Variants in RTN4R observed in about 807,000 individuals in gnomAD.
The protein encoded by RTN4R is reticulon 4 receptor.
RTN4R carries 4 observed loss-of-function variants against 27.7 expected under a neutral mutation model. That is an observed-to-expected ratio of 0.14 (90% CI 0.07 to 0.33). The LOEUF (loss-of-function observed/expected upper bound fraction) is 0.33, where lower values mean the gene tolerates loss of function less well. Ranked by LOEUF, RTN4R falls within the 10% of genes least tolerant of loss-of-function variation. The pLI, the probability that RTN4R is intolerant of heterozygous loss-of-function variation, is 1.00. For synonymous variants in RTN4R, 290 were observed against 305.6 expected, an observed-to-expected ratio of 0.95 and a Z score of 0.53; for missense variants, 554 against 671.5, an observed-to-expected ratio of 0.83 and a Z score of 1.93.
chr22:20,242,957 C>T lies in RTN4R; in HGVS notation c.176G>A (p.Ser59Asn), dbSNP rs781625517. The change falls in exon 2 of 2, where the codon AGC (serine) becomes AAC (asparagine). Residue 59 changes from serine to asparagine, a missense_variant. Around this residue, in one of 2 missense-constraint regions of RTN4R, gnomAD observed 413 missense variants for 542.3 expected, o/e 0.76. Coordinates refer to ENST00000043402, the MANE Select transcript of RTN4R (RefSeq NM_023004.6). ...GTTGCCGTGCAGGAAGATGCGCTGG[C>T]TGGCAGCAGGGATGCCCACGGGCAC... Reference protein sequence around the residue: ...QAVPVGIPAASQRIFLHGNRI... With the variant: ...QAVPVGIPAANQRIFLHGNRI... The T allele has an allele frequency of 6.2e-7, 1 of 1,611,968 alleles. No homozygotes were observed. Among genetic ancestry groups the T allele is most frequent in the Non-Finnish European group, 8.5e-7 (1 of 1,179,532 alleles).
chr22:20,255,240 G>A lies in RTN4R; in HGVS notation c.23-12130C>T, dbSNP rs972820762. Among the ~76,000 whole-genome samples, 2 of 152,222 alleles carry A rather than the reference G, an allele frequency of 1.3e-5. No individual in the cohort carries two copies. Among genetic ancestry groups the A allele is most frequent in the African/African-American group, 4.8e-5 (2 of 41,446 alleles). On this transcript the variant is annotated intron_variant, in intron 1 of 1. Coordinates refer to ENST00000043402, the MANE Select transcript of RTN4R (RefSeq NM_023004.6). This position sits in a 1 kb window ranked among gnomAD's most constrained non-coding sequence, Gnocchi z 4.8. The stretch of plus-strand genomic sequence containing the variant: ...ATTATTTTTTAAAACAACTGCATAT[G>A]TGGCACTAAAATCTCAGAAAACAGA...
At chr22:20,259,627 C>T (rs928518971) in intron 1 of RTN4R, among the ~76,000 whole-genome samples, 5 of 152,306 alleles carry the variant, frequency 3.3e-5, no homozygotes, top group Admixed American at 2.6e-4. Flanking sequence ...GCATCTCACC[C>T]GGGCAGTGGC....
chr22:20,243,738 C>T (rs774854290), intron 1 of RTN4R: 18 of 342,522 alleles, frequency 5.3e-5, no homozygotes, highest in Non-Finnish European at 9.1e-5. Context: ...AAGCCTCCGC[C>T]CCCTGGCCTC....
intron 1 of RTN4R, among the ~76,000 whole-genome samples, chr22:20,250,676 C>T (rs1362476813): frequency 6.6e-6 from 1 of 152,158 alleles, no homozygotes; most frequent in African/African-American, 2.4e-5. Flanking sequence ...AAGAAAGAGA[C>T]TCAGAAATAC....
At chr22:20,246,787 C>T (rs1442385338) in intron 1 of RTN4R, among the ~76,000 whole-genome samples, 1 of 152,246 alleles carries the variant, frequency 6.6e-6, no homozygotes. Flanking sequence ...GCGCCGAGCA[C>T]CGGCTTTCAT....
At chr22:20,254,340 G>A (rs1005741414) in intron 1 of RTN4R, among the ~76,000 whole-genome samples, 1 of 151,278 alleles carries the variant, frequency 6.6e-6, no homozygotes, top group African/African-American at 2.4e-5. Context: ...GAGGTGGAAG[G>A]ATTGCTTGAG....
At chr22:20,264,524 G>C (rs888231943) in intron 1 of RTN4R, among the ~76,000 whole-genome samples, 1 of 152,210 alleles carries the variant, frequency 6.6e-6, no homozygotes, top group African/African-American at 2.4e-5. Context: ...CACACCCCTT[G>C]ATTTGCCTGG....
At chr22:20,267,589 T>A (rs2051285828) in intron 1 of RTN4R, 3 of 468,514 alleles carry the variant, frequency 6.4e-6, no homozygotes, top group South Asian at 4.6e-5. Context: ...ACGCCCCCAT[T>A]CATCCCACTG....
At position 20,244,012 on chromosome 22, in the gene RTN4R, C is replaced by A. The variant is rs150131112; in HGVS notation, c.23-902G>T. ...GTCTCACCAGCGGGGTCACCCACTC[C>A]GGAGTAAGCTTTCCTGCCTCTCATT... On this transcript the variant is annotated intron_variant, in intron 1 of 1. Transcript: ENST00000043402. Among the ~76,000 whole-genome samples the A allele has an allele frequency of 1.2e-3, 187 of 152,342 alleles. 2 individuals carry two copies. The highest frequency in any genetic ancestry group is 4.4e-3 in the African/African-American group (184 of 41,572).
intron 1 of RTN4R, among the ~76,000 whole-genome samples, chr22:20,252,184 G>A (rs895396295): frequency 6.0e-5 from 6 of 99,244 alleles, no homozygotes; most frequent in East Asian, 2.9e-4. Context: ...CATCATCACC[G>A]TCATCATCAC....
At position 20,255,160 on chromosome 22, in the gene RTN4R, G is replaced by A. The variant is rs2051205043; in HGVS notation, c.23-12050C>T. Among the ~76,000 whole-genome samples, 1 of 152,224 alleles carries A rather than the reference G, an allele frequency of 6.6e-6. No homozygotes were observed. The highest frequency in any genetic ancestry group is 1.5e-5 in the Non-Finnish European group (1 of 68,042). On this transcript the variant is annotated intron_variant, in intron 1 of 1. Transcript: ENST00000043402. The surrounding 1 kb of genome is among the most constrained non-coding windows in gnomAD (Gnocchi z 4.8). ...CAGATTGAGCCCATTCTCCAGACCA[G>A]CCTCCGAGGCTGGGTGCAGGTGTTA...
At chr22:20,264,101 C>CT (rs2051263298) in intron 1 of RTN4R, among the ~76,000 whole-genome samples, 1 of 152,210 alleles carries the variant, frequency 6.6e-6, no homozygotes, top group African/African-American at 2.4e-5. Flanking sequence ...GGGAGAGGCA[C>CT]GTGACCAGAC....
intron 1 of RTN4R, among the ~76,000 whole-genome samples, chr22:20,252,334 C>A (rs1159151036): frequency 6.6e-6 from 1 of 152,210 alleles, no homozygotes; most frequent in African/African-American, 2.4e-5. Flanking sequence ...GGCCCTGGCC[C>A]AAGGATGGGG....
chr22:20,248,358 C>G (rs374774779), intron 1 of RTN4R, among the ~76,000 whole-genome samples: 4 of 152,174 alleles, frequency 2.6e-5, no homozygotes, highest in East Asian at 3.9e-4. Flanking sequence ...CAGCCACCCC[C>G]GCTCCTAACC....
chr22:20,253,987 A>C (rs2051198871), intron 1 of RTN4R, among the ~76,000 whole-genome samples: 1 of 152,166 alleles, frequency 6.6e-6, no homozygotes, highest in African/African-American at 2.4e-5. Flanking sequence ...GAGAAAACAA[A>C]AAAACTGAGA....
intron 1 of RTN4R, among the ~76,000 whole-genome samples, chr22:20,245,125 C>A (rs1479864646): frequency 6.6e-6 from 1 of 152,184 alleles, no homozygotes; most frequent in Admixed American, 6.5e-5. Context: ...AGTGAGGTGC[C>A]AGAACTGAGC....
Position 20,255,218 on chromosome 22 carries a change from AT to A in RTN4R, c.23-12109del, listed in dbSNP as rs2051205323. Among the ~76,000 whole-genome samples, 1 of 152,230 alleles carries A rather than the reference AT, an allele frequency of 6.6e-6. No homozygotes were observed. The highest frequency in any genetic ancestry group is 1.5e-5 in the Non-Finnish European group (1 of 68,036). On this transcript the variant is annotated intron_variant, in intron 1 of 1. Transcript: ENST00000043402. This position sits in a 1 kb window ranked among gnomAD's most constrained non-coding sequence, Gnocchi z 4.8. Reference sequence around the variant, plus strand: ...AATATGTTGTTGACCGAATGTTATTATTTTTTAAAACAACTGCATATGTGGC... The same window carrying A: ...AATATGTTGTTGACCGAATGTTATTATTTTTAAAACAACTGCATATGTGGC...
intron 1 of RTN4R, among the ~76,000 whole-genome samples, chr22:20,250,714 A>G (rs535060830): frequency 6.6e-6 from 1 of 152,306 alleles, no homozygotes; most frequent in African/African-American, 2.4e-5. Context: ...CAAAACAGAA[A>G]TGATCATTTT....
chr22:20,245,868 C>A (rs1298922579), intron 1 of RTN4R, among the ~76,000 whole-genome samples: 1 of 152,194 alleles, frequency 6.6e-6, no homozygotes, highest in Non-Finnish European at 1.5e-5. Flanking sequence ...GGGTGAGCAA[C>A]CAGCCCTGCC....
Sources: allele counts gnomAD v4.1 joint callset (sites outside exome capture counted in the v4.1 genomes callset), GRCh38; gene constraint gnomAD v4.1.1; regional missense constraint gnomAD v4.1.1; non-coding constraint Gnocchi (gnomAD v3.1); transcripts MANE v1.5; gene names NCBI Gene and HGNC (gene_info 2026-07-23, HGNC 2026-07-21).